Variants in INPP4B observed in about 807,000 individuals in gnomAD.
INPP4B encodes inositol polyphosphate 4-phosphatase type II.
INPP4B carries 55 observed loss-of-function variants against 122.5 expected under a neutral mutation model. The ratio of observed to expected loss-of-function variants is 0.45; its 90% CI spans 0.36 to 0.56. The LOEUF (loss-of-function observed/expected upper bound fraction) is 0.56, where lower values mean the gene tolerates loss of function less well. INPP4B is among the 20% of genes least tolerant of loss of function. The pLI, the probability that INPP4B is intolerant of heterozygous loss-of-function variation, is 0.00. For missense variants in INPP4B, 1,000 were observed against 1,097.7 expected (o/e 0.91, Z 1.26); for synonymous variants, 403 against 388.7 (o/e 1.04, Z -0.43).
chr4:142,518,120 A>G (rs1825637382), intron 2 of INPP4B, among the ~76,000 whole-genome samples: 1 of 152,172 alleles, frequency 6.6e-6, no homozygotes, highest in Admixed American at 6.6e-5. Context: ...TCCATAATAT[A>G]TTGATCTATT....
chr4:142,117,108 C>T (rs1318690007), intron 21 of INPP4B, among the ~76,000 whole-genome samples: 3 of 152,092 alleles, frequency 2.0e-5, no homozygotes, highest in South Asian at 2.1e-4. Context: ...CAAGACTAAA[C>T]GAGGAAGAAG....
intron 1 of INPP4B, among the ~76,000 whole-genome samples, chr4:142,728,840 G>C (rs1425985301): frequency 1.3e-5 from 2 of 152,110 alleles, no homozygotes; most frequent in African/African-American, 4.8e-5. Flanking sequence ...CTTGTTCTAA[G>C]CTACTTAATT....
At chr4:142,337,717 A>ATATATATTTTATATATATTTATATATAT (rs1282757765) in intron 7 of INPP4B, among the ~76,000 whole-genome samples, 3 of 107,604 alleles carry the variant, frequency 2.8e-5, no homozygotes, top group Non-Finnish European at 3.8e-5. Context: ...ATTATATATA[A>ATATATATTTTATATATATTTATATATAT]TATATATTTT....
At chr4:142,182,510 T>C (rs1388128502) in intron 15 of INPP4B, among the ~76,000 whole-genome samples, 1 of 123,490 alleles carries the variant, frequency 8.1e-6, no homozygotes, top group Non-Finnish European at 1.6e-5. Context: ...ATCACGCCGC[T>C]GCACTCCAGC....
At chr4:142,753,429 T>C (rs1770022510) in intron 1 of INPP4B, among the ~76,000 whole-genome samples, 1 of 152,086 alleles carries the variant, frequency 6.6e-6, no homozygotes, top group South Asian at 2.1e-4. Flanking sequence ...AAGCCAAAAT[T>C]GATTTGTTGT....
intron 7 of INPP4B, among the ~76,000 whole-genome samples, chr4:142,387,908 G>C (rs1477749763): frequency 6.6e-6 from 1 of 152,144 alleles, no homozygotes; most frequent in East Asian, 1.9e-4. Context: ...GCATGACATT[G>C]TAACCACGTG....
chr4:142,343,000 C>A (rs192603619), intron 7 of INPP4B, among the ~76,000 whole-genome samples: 1 of 151,940 alleles, frequency 6.6e-6, no homozygotes, highest in Non-Finnish European at 1.5e-5. Context: ...GGATAGAAAC[C>A]CTGTTATTAG....
chr4:142,252,845 T>C (rs1022121074), intron 11 of INPP4B, among the ~76,000 whole-genome samples: 2 of 152,190 alleles, frequency 1.3e-5, no homozygotes, highest in East Asian at 1.9e-4. Flanking sequence ...CATGATCCAA[T>C]AGCTAAAAGA....
chr4:142,178,833 T>TA (rs3049049), intron 15 of INPP4B, among the ~76,000 whole-genome samples: 101,885 of 140,444 alleles, frequency 0.73, 37,931 homozygotes, highest in East Asian at 0.84. Flanking sequence ...ACCCTACTTG[T>TA]AAAAAAAAAA....
At chr4:142,346,837 T>G (rs1412501369) in intron 7 of INPP4B, among the ~76,000 whole-genome samples, 2 of 152,034 alleles carry the variant, frequency 1.3e-5, no homozygotes, top group Non-Finnish European at 2.9e-5. Flanking sequence ...ATAATGACAT[T>G]CTAAGAGGTA....
intron 1 of INPP4B, among the ~76,000 whole-genome samples, chr4:142,736,522 T>C (rs558865920): frequency 6.6e-6 from 1 of 152,314 alleles, no homozygotes; most frequent in South Asian, 2.1e-4. Context: ...ACATCCCTTG[T>C]AAGTTGGATT....
intron 2 of INPP4B, among the ~76,000 whole-genome samples, chr4:142,598,835 C>T (rs1394455993): frequency 6.6e-6 from 1 of 152,162 alleles, no homozygotes; most frequent in African/African-American, 2.4e-5. Flanking sequence ...CCCCTCCACA[C>T]AGCACTGCAG....
In INPP4B at chr4:142,553,009, C is replaced by G. The variant is rs183983249; in HGVS notation, c.-190-90283G>C. ...CAATAGACATTTTTGGTCCTCTAAA[C>G]AACACTGTATGCTGAAGACCTCTCC... On this transcript the variant is annotated intron_variant, in intron 2 of 25. Transcript: ENST00000262992. Among the ~76,000 whole-genome samples the G allele has an allele frequency of 7.2e-5, 11 of 152,288 alleles. No homozygotes were observed. The East Asian group carries it at 2.1e-3, about 29-fold the overall frequency.
chr4:142,813,581 A>C (rs1318691093), intron 1 of INPP4B, among the ~76,000 whole-genome samples: 2 of 152,208 alleles, frequency 1.3e-5, no homozygotes, highest in African/African-American at 4.8e-5. Flanking sequence ...TGTCACTGGC[A>C]ATAAAGCAAT....
chr4:142,151,062 T>C (rs3775664), intron 17 of INPP4B, among the ~76,000 whole-genome samples: 16,624 of 152,172 alleles, frequency 0.11, 1,003 homozygotes, highest in Middle Eastern at 0.14. Context: ...GCCAATTCCA[T>C]CTTTAAAAAG....
chr4:142,106,655 T>A (rs960271051), intron 23 of INPP4B, among the ~76,000 whole-genome samples: 3 of 152,196 alleles, frequency 2.0e-5, no homozygotes, highest in African/African-American at 7.2e-5. Flanking sequence ...TACTTTGTAA[T>A]ATATATTTTG....
rs867226583 is a variant in INPP4B, at chr4:142,202,918, T to A, written c.1072+5507A>T. The stretch of plus-strand genomic sequence containing the variant: ...TGAGAGACTATCTCTGCCTTTCCTC[T>A]CTTTTTGTGGTCTCCTTTATTACTG... On this transcript the variant is annotated intron_variant, in intron 14 of 25. Transcript: ENST00000262992. Among the ~76,000 whole-genome samples, 5 of 152,220 alleles carry A rather than the reference T, an allele frequency of 3.3e-5. 1 individual carries two copies. The highest frequency in any genetic ancestry group is 3.4e-3 in the Middle Eastern group (1 of 294).
intron 2 of INPP4B, among the ~76,000 whole-genome samples, chr4:142,482,674 T>C (rs1580177801): frequency 6.6e-6 from 1 of 152,196 alleles, no homozygotes; most frequent in African/African-American, 2.4e-5. Flanking sequence ...GTTTCTATTA[T>C]GGCAGCCATA....
At chr4:142,134,520 A>C (rs1326200146) in intron 18 of INPP4B, among the ~76,000 whole-genome samples, 4 of 152,208 alleles carry the variant, frequency 2.6e-5, no homozygotes, top group African/African-American at 7.2e-5. Context: ...TTGATTATTT[A>C]AGTTTTAAAA....
Sources: allele counts gnomAD v4.1 joint callset (sites outside exome capture counted in the v4.1 genomes callset), GRCh38; gene constraint gnomAD v4.1.1; transcripts MANE v1.5; gene names NCBI Gene and HGNC (gene_info 2026-07-23, HGNC 2026-07-21).